Variants in USP24 observed in about 807,000 individuals in gnomAD.
The protein encoded by USP24 is ubiquitin carboxyl-terminal hydrolase 24.
In USP24, 97 loss-of-function variants were observed where a neutral mutation model predicts 361.6. The ratio of observed to expected loss-of-function variants is 0.27; its 90% confidence interval spans 0.23 to 0.32. USP24 has a LOEUF of 0.32. Ranked by LOEUF, USP24 falls within the 10% of genes least tolerant of loss-of-function variation. The probability of loss-of-function intolerance (pLI) is 1.00; values close to 1 mark genes in which losing one functional copy is unlikely to be tolerated. For missense variants in USP24, 2,353 were observed against 3,165.6 expected (o/e 0.74, Z 6.16); for synonymous variants, 1,098 against 1,124.6 (o/e 0.98, Z 0.47).
intron 60 of USP24, among the ~76,000 whole-genome samples, chr1:55,078,946 CAAAAA>C (rs112282583): frequency 1.5e-5 from 1 of 68,952 alleles, no homozygotes. Context: ...AAATATTAAG[CAAAAA>C]AAAAAAAAAA....
chr1:55,178,720 TAAATAAATAAAA>T, intron 1 of USP24, among the ~76,000 whole-genome samples: 1 of 86,448 alleles, frequency 1.2e-5, no homozygotes, highest in East Asian at 2.7e-4. Flanking sequence ...AATAAATAAA[TAAATAAATAAAA>T]AGAACTGTCT....
At chr1:55,167,641 T>C (rs1435719545) in intron 5 of USP24, among the ~76,000 whole-genome samples, 1 of 152,048 alleles carries the variant, frequency 6.6e-6, no homozygotes, top group African/African-American at 2.4e-5. Flanking sequence ...GCCAGTGCAG[T>C]GTCTAGATAG....
chr1:55,069,196 C>A, intron 67 of USP24, 89 bp from the exon 68 acceptor site: 1 of 1,284,858 alleles, frequency 7.8e-7, no homozygotes, highest in Non-Finnish European at 1.1e-6. Context: ...AACATGTCTT[C>A]ATCTGGCAAC....
intron 2 of USP24, 36 bp downstream of exon 2, chr1:55,177,931 A>C: frequency 6.5e-7 from 1 of 1,533,090 alleles, no homozygotes; most frequent in Non-Finnish European, 8.8e-7. Flanking sequence ...TCTATGAAAC[A>C]AATGTCCTCA....
intron 64 of USP24, 38 bp downstream of exon 64, chr1:55,073,790 A>T (rs1644967103): frequency 6.5e-7 from 1 of 1,534,818 alleles, no homozygotes; most frequent in Non-Finnish European, 8.8e-7. Flanking sequence ...TTGTAATTAA[A>T]ACACCATTTC....
chr1:55,186,394 C>T (rs1644132140), intron 1 of USP24, among the ~76,000 whole-genome samples: 1 of 152,116 alleles, frequency 6.6e-6, no homozygotes, highest in Non-Finnish European at 1.5e-5. Context: ...AATGGAACTA[C>T]CATGTGATTG....
chr1:55,214,044 C>G (rs900002348), intron 1 of USP24, among the ~76,000 whole-genome samples: 1 of 151,938 alleles, frequency 6.6e-6, no homozygotes, highest in Non-Finnish European at 1.5e-5. Flanking sequence ...AATTCCAGTC[C>G]CCATCCCTGC....
intron 28 of USP24, among the ~76,000 whole-genome samples, chr1:55,134,820 C>A (rs111934193): frequency 0.029 from 4,428 of 152,252 alleles, 158 homozygotes; most frequent in African/African-American, 0.082. Context: ...TCGACATTCA[C>A]ACACAACAAT....
In USP24 at chr1:55,121,447, G is replaced by A. The variant is rs1317356082; in HGVS notation, c.4336C>T (p.Pro1446Ser). The A allele has an allele frequency of 6.2e-7, 1 of 1,613,476 alleles. No individual in the cohort carries two copies. Among genetic ancestry groups the A allele is most frequent in the Non-Finnish European group, 8.5e-7 (1 of 1,179,714 alleles). ...TGAAAAATCCTTACCTCAGCACTTG[G>A]TGATCCGAGCAGAATATCAATGATG... Reference protein sequence around the residue: ...DFIIDILLGSPSAEIRRVACD... With the variant: ...DFIIDILLGSSSAEIRRVACD... Residue 1446 changes from proline (P) to serine (S), a missense_variant, in exon 37 of 68, where the codon CCA (proline) becomes TCA (serine). Transcript: ENST00000294383.
At chr1:55,122,563 A>G (rs1339828320) in intron 36 of USP24, among the ~76,000 whole-genome samples, 15 of 152,178 alleles carry the variant, frequency 9.9e-5, no homozygotes, top group Admixed American at 9.8e-4. Flanking sequence ...GGCAGAAGCA[A>G]GAAGATGAGT....
At chr1:55,209,716 T>C (rs898793663) in intron 1 of USP24, among the ~76,000 whole-genome samples, 1 of 152,208 alleles carries the variant, frequency 6.6e-6, no homozygotes, top group Non-Finnish European at 1.5e-5. Flanking sequence ...TGAGCTTTAA[T>C]GCATGTACGA....
intron 12 of USP24, 71 bp downstream of exon 12, chr1:55,156,877 T>A: frequency 9.2e-7 from 1 of 1,083,310 alleles, no homozygotes; most frequent in Non-Finnish European, 1.4e-6. Flanking sequence ...TCCTGCTCTC[T>A]CATCACCCTT....
intron 23 of USP24, among the ~76,000 whole-genome samples, chr1:55,142,422 G>GA (rs1433623448): frequency 2.0e-5 from 3 of 151,546 alleles, no homozygotes; most frequent in East Asian, 3.9e-4. Flanking sequence ...AACAGGAAAA[G>GA]AAAAAAAAGA....
chr1:55,106,198 T>A lies in USP24; in HGVS notation c.4828A>T (p.Ser1610Cys). The A allele has an allele frequency of 6.2e-7, 1 of 1,614,006 alleles. No individual in the cohort carries two copies. Among genetic ancestry groups the A allele is most frequent in the Non-Finnish European group, 8.5e-7 (1 of 1,179,850 alleles). The change falls in exon 41 of 68, where the codon AGT (serine) becomes TGT (cysteine). Residue 1610 changes from serine (S) to cysteine (C), a missense_variant. Ser to Cys is a moderately radical substitution (Grantham distance 112). Coordinates refer to ENST00000294383, the MANE Select transcript of USP24 (RefSeq NM_015306.3). ...LFRASRIILN[S>C]HSPAGSAAIS... ...GCGGCACTGCCAGCTGGAGAATGAC[T>A]ATTTAAAATAATTCTAGAAGCTCGG...
rs969764900 is a variant in USP24, at chr1:55,067,983, T to C, written c.*1062A>G. The C allele has an allele frequency of 2.0e-5, 3 of 152,246 alleles. No individual in the cohort carries two copies. The highest frequency in any genetic ancestry group is 7.2e-5 in the African/African-American group (3 of 41,470). 9.4% of individuals were successfully genotyped at this position (152,246 alleles called of 1,614,324 possible). On this transcript the variant is annotated 3_prime_UTR_variant, in exon 68 of 68. Transcript: ENST00000294383. The stretch of plus-strand genomic sequence containing the variant: ...CTGACTTTTCAGTGTTAATTAGTCA[T>C]GTTGAGGAGAAACAAATTCTCAAAT...
intron 44 of USP24, 106 bp downstream of exon 44, chr1:55,100,733 A>G: frequency 9.0e-7 from 1 of 1,107,206 alleles, no homozygotes; most frequent in South Asian, 2.7e-5. Context: ...TTTCTTGGCA[A>G]GAGATTAGTC....
Position 55,117,555 on chromosome 1 carries a change from C to T in USP24, c.4508+3041G>A, listed in dbSNP as rs375861715. On this transcript the variant is annotated intron_variant, in intron 38 of 67. Transcript: ENST00000294383. ...CATCCTGGCTAACAAGGTGAAACCC[C>T]GTCTCTACTAAAAATACAAAAAATT... Among the ~76,000 whole-genome samples the T allele has an allele frequency of 2.7e-4, 41 of 151,472 alleles. 1 individual carries two copies. The highest frequency in any genetic ancestry group is 9.2e-4 in the African/African-American group (38 of 41,292).
rs1389153463 is a variant in USP24 at position 55,121,423 on chromosome 1, G to C, written c.4347+13C>G. 4.3e-6 allele frequency: 7 copies of C among 1,610,294 alleles called. No homozygotes were observed. The Admixed American group carries it at 1.0e-4, about 23-fold the overall frequency. ...ACCAAAGGAGTTTTGTAAGTAATGTGAAAAATCCTTACCTCAGCACTTGGT... is the reference window on the plus strand; with the variant it reads ...ACCAAAGGAGTTTTGTAAGTAATGTCAAAAATCCTTACCTCAGCACTTGGT... On this transcript the variant is annotated intron_variant, in intron 37 of 67. Transcript: ENST00000294383.
rs1324847189 is a variant in USP24 at position 55,167,666 on chromosome 1, TGGA to T, written c.826-1066_826-1064del. On this transcript the variant is annotated intron_variant, in intron 5 of 67. Transcript: ENST00000294383. ...TGTCTAGATAGTTCACAGCTGTGTG[TGGA>T]GAAGGATGGCAGCAGAAGGCGCCGA... Among the ~76,000 whole-genome samples, 3 of 152,038 alleles carry T rather than the reference TGGA, an allele frequency of 2.0e-5. No homozygotes were observed. The East Asian group carries it at 5.8e-4, about 29-fold the overall frequency.
Sources: gnomAD v4.1 joint callset for allele counts (sites outside exome capture counted in the v4.1 genomes callset) on GRCh38, gnomAD v4.1.1 for gene constraint, MANE v1.5 for transcripts, NCBI Gene and HGNC (gene_info 2026-07-23, HGNC 2026-07-21) for gene names.